The following TIAM1 variants were observed in gnomAD, a reference collection of about 807,000 sequenced individuals.
TIAM1 encodes TIAM Rac1 associated GEF 1.
TIAM1 carries 65 observed loss-of-function variants against 163.5 expected under a neutral mutation model. That is an observed-to-expected ratio of 0.40 (90% CI 0.33 to 0.49). The LOEUF is 0.49. TIAM1 is among the 20% of genes least tolerant of loss of function. TIAM1 has a pLI of 0.77. For missense variants in TIAM1, 1,789 were observed against 2,044.7 expected (o/e 0.87, Z 2.41); for synonymous variants, 833 against 810.1 (o/e 1.03, Z -0.48).
Position 31,296,094 on chromosome 21 carries a change from C to G in TIAM1, c.-188-19186G>C, listed in dbSNP as rs531719638. Among the ~76,000 whole-genome samples, 13 of 152,230 alleles carry G rather than the reference C, an allele frequency of 8.5e-5. No homozygotes were observed. The East Asian group carries it at 2.3e-3, about 27-fold the overall frequency. Reference sequence around the variant, plus strand: ...GATTACAGGCGTGAGCCACCGCACCCGGCCAACTCCGAATTTTTAACCTGG... The same window carrying G: ...GATTACAGGCGTGAGCCACCGCACCGGGCCAACTCCGAATTTTTAACCTGG... On this transcript the variant is annotated intron_variant, in intron 2 of 27. Coordinates refer to ENST00000541036, the MANE Select transcript of TIAM1 (RefSeq NM_001353694.2).
intron 15 of TIAM1, among the ~76,000 whole-genome samples, chr21:31,168,390 C>T (rs777507890): frequency 3.8e-4 from 57 of 151,854 alleles, no homozygotes; most frequent in Middle Eastern, 3.4e-3. Flanking sequence ...CCAGGCCCAG[C>T]CTGTTCCCTG....
At position 31,154,357 on chromosome 21, in the gene TIAM1, G is replaced by A. The variant is rs752519456; in HGVS notation, c.3061C>T (p.Pro1021Ser). The change falls in exon 17 of 28, where the codon CCT becomes TCT. Residue 1021 changes from proline (P) to serine (S), a missense_variant. Transcript: ENST00000541036. ...EMNPSDQSPS[P>S]QDSTGPQLAT... ...AGCTGAGGCCCCGTGGAGTCCTGAGGAGATGGGCTCTGGTCAGAGGGGTTC... is the reference window on the plus strand; with the variant it reads ...AGCTGAGGCCCCGTGGAGTCCTGAGAAGATGGGCTCTGGTCAGAGGGGTTC... The A allele has an allele frequency of 4.8e-5, 78 of 1,614,066 alleles. 1 individual carries two copies. In the East Asian group the frequency reaches 1.7e-3, roughly 36 times the overall value.
At chr21:31,355,319 T>G (rs571144093) in intron 2 of TIAM1, among the ~76,000 whole-genome samples, 12 of 152,300 alleles carry the variant, frequency 7.9e-5, no homozygotes, top group African/African-American at 2.9e-4. Context: ...TTTTGTTTTC[T>G]TAAGGATAGT....
chr21:31,217,420 A>G (rs1416115355), intron 9 of TIAM1, 133 bp downstream of exon 9: 3 of 1,230,044 alleles, frequency 2.4e-6, no homozygotes, highest in Non-Finnish European at 2.3e-6. Flanking sequence ...TGTCTAGCAC[A>G]GCTAGTTTCT....
At chr21:31,542,436 G>A (rs200462076) in intron 1 of TIAM1, among the ~76,000 whole-genome samples, 2,061 of 139,206 alleles carry the variant, frequency 0.015, 49 homozygotes, top group African/African-American at 0.051. Flanking sequence ...CAAAAAAAAA[G>A]AAAAAAAAAA....
At chr21:31,435,007 A>G (rs1206270108) in intron 2 of TIAM1, among the ~76,000 whole-genome samples, 1 of 152,234 alleles carries the variant, frequency 6.6e-6, no homozygotes, top group East Asian at 1.9e-4. Flanking sequence ...TATGCTGTTC[A>G]TATTTAGATC....
chr21:31,396,809 G>A (rs748733369), intron 2 of TIAM1, among the ~76,000 whole-genome samples: 20 of 151,598 alleles, frequency 1.3e-4, no homozygotes, highest in Non-Finnish European at 2.8e-4. Flanking sequence ...AAATTAGCCG[G>A]GCCTGGTAGC....
chr21:31,245,410 G>T, intron 6 of TIAM1, 78 bp downstream of exon 6: 39 of 842,462 alleles, frequency 4.6e-5, no homozygotes, highest in Middle Eastern at 3.4e-4. Context: ...AGTGGAGGGA[G>T]ACTGGGTGCC....
chr21:31,156,032 T>TAAAATCAAA (rs2083610418), intron 16 of TIAM1, among the ~76,000 whole-genome samples: 1 of 152,134 alleles, frequency 6.6e-6, no homozygotes, highest in South Asian at 2.1e-4. Flanking sequence ...TCAGAAAAGC[T>TAAAATCAAA]AAAATCAAGT....
At chr21:31,292,558 C>T (rs1294143735) in intron 2 of TIAM1, among the ~76,000 whole-genome samples, 3 of 151,556 alleles carry the variant, frequency 2.0e-5, no homozygotes, top group African/African-American at 4.9e-5. Context: ...TTAGTAGAGA[C>T]GGAGTTTCAC....
intron 2 of TIAM1, among the ~76,000 whole-genome samples, chr21:31,292,287 G>A (rs2833368): frequency 6.6e-6 from 1 of 151,590 alleles, no homozygotes; most frequent in African/African-American, 2.4e-5. Context: ...GTTCTTCCCC[G>A]AAGGTCCCTG....
rs935656857 is a variant in TIAM1 at position 31,221,387 on chromosome 21, G to A, written c.1995+2019C>T. Among the ~76,000 whole-genome samples, 48 of 152,210 alleles carry A rather than the reference G, an allele frequency of 3.2e-4. 1 individual carries two copies. Among genetic ancestry groups the A allele is most frequent in the Admixed American group, 2.6e-3 (39 of 15,274 alleles). ...GAGAGTTGAACGTATGGACTTCAAT[G>A]TTCTTTAAAACCACTGACCAAAACA... On this transcript the variant is annotated intron_variant, in intron 8 of 27. Coordinates refer to ENST00000541036, the MANE Select transcript of TIAM1 (RefSeq NM_001353694.2).
chr21:31,214,789 T>C (rs1334908550), intron 9 of TIAM1, among the ~76,000 whole-genome samples: 5 of 152,126 alleles, frequency 3.3e-5, no homozygotes, highest in East Asian at 1.9e-4. Context: ...AAACATACAA[T>C]GTTTTTAACT....
chr21:31,179,346 C>T (rs1039839615), intron 15 of TIAM1, among the ~76,000 whole-genome samples: 15 of 151,414 alleles, frequency 9.9e-5, no homozygotes, highest in African/African-American at 3.6e-4. Context: ...AAGATGGCGC[C>T]ATTGCACTCC....
At chr21:31,517,866 A>G (rs1273570834) in intron 1 of TIAM1, among the ~76,000 whole-genome samples, 1 of 152,146 alleles carries the variant, frequency 6.6e-6, no homozygotes, top group Non-Finnish European at 1.5e-5. Flanking sequence ...ACTAACCCTT[A>G]TCTTCCTAGT....
chr21:31,187,936 GC>G (rs2085378023), intron 13 of TIAM1, among the ~76,000 whole-genome samples: 1 of 152,046 alleles, frequency 6.6e-6, no homozygotes, highest in East Asian at 1.9e-4. Flanking sequence ...TCTAAAAAGG[GC>G]AAGGGGAACA....
rs544968045 is a variant in TIAM1 at position 31,313,778 on chromosome 21, T to C, written c.-189+25465A>G. On this transcript the variant is annotated intron_variant, in intron 2 of 27. Transcript: ENST00000541036. ...TTTCAGTAGAGACGCGGTTTCACCA[T>C]GTTGGCCAGGCTGATCTCAAACTCC... Among the ~76,000 whole-genome samples, 3 of 152,326 alleles carry C rather than the reference T, an allele frequency of 2.0e-5. No homozygotes were observed. The South Asian group carries it at 6.2e-4, about 32-fold the overall frequency.
chr21:31,216,917 T>G (rs1333589814), intron 9 of TIAM1, among the ~76,000 whole-genome samples: 1 of 152,094 alleles, frequency 6.6e-6, no homozygotes, highest in Non-Finnish European at 1.5e-5. Flanking sequence ...GCTTAAAAAG[T>G]CTCTGCATGG....
intron 1 of TIAM1, among the ~76,000 whole-genome samples, chr21:31,525,956 C>T (rs536967475): frequency 6.6e-5 from 10 of 151,192 alleles, no homozygotes; most frequent in Admixed American, 1.3e-4. Context: ...ATCGCTTGAA[C>T]CCGGGAGGCA....
Sources: gnomAD v4.1 joint callset for allele counts (sites outside exome capture counted in the v4.1 genomes callset) on GRCh38, gnomAD v4.1.1 for gene constraint, MANE v1.5 for transcripts, NCBI Gene and HGNC (gene_info 2026-07-23, HGNC 2026-07-21) for gene names.